The following VOPP1 variants were observed in gnomAD, a reference collection of about 807,000 sequenced individuals.
VOPP1 encodes the protein WW domain binding protein VOPP1.
Under a neutral mutation model 23.5 loss-of-function variants are expected in VOPP1, and 8 were observed. That is an observed-to-expected ratio of 0.34 (90% CI 0.20 to 0.61). VOPP1 has a LOEUF of 0.61. VOPP1 is among the 20% of genes least tolerant of loss of function. The pLI is 0.78. For synonymous variants in VOPP1, 83 were observed against 97.3 expected (o/e 0.85, Z 0.86); for missense variants, 174 against 238.1 (o/e 0.73, Z 1.77).
intron 1 of VOPP1, chr7:55,571,704 C>G (rs1798363394): frequency 6.6e-6 from 1 of 152,354 alleles, no homozygotes; most frequent in South Asian, 2.1e-4. Flanking sequence ...ATTTCCTCCC[C>G]GCACCTAAAG....
chr7:55,494,261 T>TA (rs1201718196), intron 3 of VOPP1, among the ~76,000 whole-genome samples: 4 of 152,198 alleles, frequency 2.6e-5, no homozygotes, highest in Non-Finnish European at 5.9e-5. Flanking sequence ...GTGACAGTCT[T>TA]ACACTCAGCA....
At chr7:55,496,451 T>C (rs77811366) in intron 3 of VOPP1, among the ~76,000 whole-genome samples, 1,673 of 152,356 alleles carry the variant, frequency 0.011, 11 homozygotes, top group Middle Eastern at 0.02. Context: ...ATTCTTCTGT[T>C]ACAGAGTTTT....
intron 1 of VOPP1, among the ~76,000 whole-genome samples, chr7:55,529,705 CAG>C (rs1431847582): frequency 2.0e-5 from 3 of 152,152 alleles, no homozygotes; most frequent in Non-Finnish European, 4.4e-5. Flanking sequence ...TCCTTCACTT[CAG>C]AGAGTTCCCT....
chr7:55,570,835 G>C (rs1798325997), intron 1 of VOPP1, among the ~76,000 whole-genome samples: 1 of 152,020 alleles, frequency 6.6e-6, no homozygotes, highest in African/African-American at 2.4e-5. Flanking sequence ...CCCGCTACTG[G>C]GGAGGCTGAA....
At chr7:55,570,568 TCAGA>T (rs1344270879) in intron 1 of VOPP1, among the ~76,000 whole-genome samples, 3 of 152,204 alleles carry the variant, frequency 2.0e-5, no homozygotes, top group African/African-American at 7.2e-5. Flanking sequence ...ACAGAACCAC[TCAGA>T]CAGAAGGCTT....
chr7:55,505,651 A>AAGGGAGGG (rs56047831), intron 2 of VOPP1, among the ~76,000 whole-genome samples: 32 of 78,634 alleles, frequency 4.1e-4, no homozygotes, highest in African/African-American at 1.9e-3. Context: ...GGAAGGAAGG[A>AAGGGAGGG]AGGGAGGGAG....
At chr7:55,484,755 T>C (rs1467564106) in intron 4 of VOPP1, among the ~76,000 whole-genome samples, 5 of 152,226 alleles carry the variant, frequency 3.3e-5, no homozygotes. Context: ...TAGAATACTG[T>C]GAACAAGTAT....
chr7:55,477,979 T>C (rs577652848), intron 4 of VOPP1, among the ~76,000 whole-genome samples: 1 of 152,298 alleles, frequency 6.6e-6, no homozygotes, highest in East Asian at 1.9e-4. Flanking sequence ...CTGCTCAGCT[T>C]CTGCTCATTT....
intron 4 of VOPP1, among the ~76,000 whole-genome samples, chr7:55,479,187 G>A (rs1258036553): frequency 2.0e-5 from 3 of 151,344 alleles, no homozygotes; most frequent in African/African-American, 7.3e-5. Flanking sequence ...TAAGTTTTAG[G>A]GTACATGTGC....
chr7:55,536,692 G>A (rs1796812588), intron 1 of VOPP1, among the ~76,000 whole-genome samples: 1 of 152,166 alleles, frequency 6.6e-6, no homozygotes, highest in Admixed American at 6.5e-5. Flanking sequence ...TGGCAGGACT[G>A]AACAATGACA....
intron 4 of VOPP1, among the ~76,000 whole-genome samples, chr7:55,441,063 T>C (rs1790953016): frequency 6.6e-6 from 1 of 152,212 alleles, no homozygotes; most frequent in Admixed American, 6.5e-5. Flanking sequence ...CTATATTCCA[T>C]CTTGTCAAAT....
At chr7:55,530,291 G>A (rs1181943228) in intron 1 of VOPP1, among the ~76,000 whole-genome samples, 1 of 152,036 alleles carries the variant, frequency 6.6e-6, no homozygotes, top group Non-Finnish European at 1.5e-5. Flanking sequence ...ATCTAGTACT[G>A]TACTGGTATC....
intron 4 of VOPP1, 162 bp downstream of exon 4, chr7:55,492,120 T>A: frequency 2.9e-6 from 3 of 1,036,056 alleles, no homozygotes; most frequent in Non-Finnish European, 4.0e-6. Flanking sequence ...ACATTTGTTA[T>A]CTGCACAAAT....
chr7:55,482,997 G>C (rs1282471041), intron 4 of VOPP1, among the ~76,000 whole-genome samples: 1 of 152,206 alleles, frequency 6.6e-6, no homozygotes, highest in African/African-American at 2.4e-5. Context: ...AGATCCTCAA[G>C]CATCTGCCAG....
intron 1 of VOPP1, among the ~76,000 whole-genome samples, chr7:55,531,355 T>TG (rs1185431177): frequency 6.6e-6 from 1 of 151,304 alleles, no homozygotes; most frequent in Admixed American, 6.6e-5. Flanking sequence ...CCAGAATTTT[T>TG]TTTTTTTTTT....
intron 2 of VOPP1, among the ~76,000 whole-genome samples, chr7:55,507,805 A>C (rs1353576322): frequency 6.6e-6 from 1 of 152,070 alleles, no homozygotes; most frequent in African/African-American, 2.4e-5. Flanking sequence ...CATTTTGATG[A>C]TGTTTCAACT....
At chr7:55,454,022 A>G (rs1247188113) in intron 4 of VOPP1, among the ~76,000 whole-genome samples, 1 of 151,940 alleles carries the variant, frequency 6.6e-6, no homozygotes, top group Non-Finnish European at 1.5e-5. Flanking sequence ...ACCCACATCC[A>G]GTCCTTATTT....
At chr7:55,542,306 T>C (rs1418024321) in intron 1 of VOPP1, among the ~76,000 whole-genome samples, 4 of 152,230 alleles carry the variant, frequency 2.6e-5, no homozygotes, top group African/African-American at 9.6e-5. Flanking sequence ...AAATATATAA[T>C]TAATTTTTGT....
rs1791785402 is a variant in VOPP1, at chr7:55,471,047, C to T, written c.*1808G>A. On this transcript the variant is annotated 3_prime_UTR_variant, in exon 5 of 5. Transcript: ENST00000285279. The stretch of plus-strand genomic sequence containing the variant: ...ACTTTTGGGTGCCTATTCAGCTGCA[C>T]CCGATTCCAGGGGCAGCTTAGTGTG... 6.6e-6 allele frequency: 1 copy of T among 151,862 alleles called. No homozygotes were observed. The highest frequency in any genetic ancestry group is 2.4e-5 in the African/African-American group (1 of 41,194). 9.4% of individuals were successfully genotyped at this position (151,862 alleles called of 1,614,324 possible).
Sources: allele counts gnomAD v4.1 joint callset (sites outside exome capture counted in the v4.1 genomes callset), GRCh38; gene constraint gnomAD v4.1.1; transcripts MANE v1.5; gene names NCBI Gene and HGNC (gene_info 2026-07-23, HGNC 2026-07-21).